Variants in ITIH6 observed in about 807,000 individuals in gnomAD.
ITIH6 encodes inter-alpha-trypsin inhibitor heavy chain H6.
A neutral mutation model predicts 58.2 loss-of-function variants in ITIH6; 60 were observed. That is an observed-to-expected ratio of 1.03 (90% CI 0.84 to 1.28). The LOEUF is 1.28. Among genes scored for constraint, ITIH6 ranks in the 50% most tolerant of loss-of-function variants. ITIH6 has a pLI of 0.00. For synonymous variants in ITIH6, 493 were observed against 417.4 expected, an observed-to-expected ratio of 1.18 and a Z score of -2.21; for missense variants, 1,290 against 1,021.1, an observed-to-expected ratio of 1.26 and a Z score of -3.59.
At chrX:54,763,663 C>T (rs183530564) in intron 6 of ITIH6, among the ~76,000 whole-genome samples, 3 of 112,052 alleles carry the variant, frequency 2.7e-5, no homozygotes, top group African/African-American at 6.5e-5. Context: ...ATAAAGTATT[C>T]TAGAAATGTC....
intron 5 of ITIH6, among the ~76,000 whole-genome samples, chrX:54,780,223 C>G (rs1169935614): frequency 4.5e-5 from 5 of 111,960 alleles, no homozygotes; most frequent in Non-Finnish European, 9.4e-5. Flanking sequence ...AATATGCATT[C>G]TTTTCTTCAG....
At position 54,759,782 on chromosome X, in the gene ITIH6, T is replaced by C. The variant is rs1028813136; in HGVS notation, c.1049A>G (p.Tyr350Cys). ...TIQNVHSAKD[Y>C]LHCMEADGWT... ...GCCATCGGCTTCCATGCAATGCAGGTAGTCCTTGGCACTGTGGACATTCTG... is the reference window on the plus strand; with the variant it reads ...GCCATCGGCTTCCATGCAATGCAGGCAGTCCTTGGCACTGTGGACATTCTG... Residue 350 changes from tyrosine (Y) to cysteine (C), a missense_variant, in exon 7 of 13, where the codon TAC becomes TGC. Coordinates refer to ENST00000218436, the MANE Select transcript of ITIH6 (RefSeq NM_198510.3). The C allele has an allele frequency of 8.3e-7, 1 of 1,208,273 alleles. No homozygotes were observed. The highest frequency in any genetic ancestry group is 1.1e-6 in the Non-Finnish European group (1 of 894,325).
chrX:54,759,051 T>G, intron 7 of ITIH6, 53 bp from the exon 8 acceptor site: 2 of 891,443 alleles, frequency 2.2e-6, no homozygotes, highest in Non-Finnish European at 1.5e-6. Flanking sequence ...TCTACCCCCA[T>G]TGCAGACACA....
At chrX:54,762,511 T>A (rs779256364) in intron 6 of ITIH6, among the ~76,000 whole-genome samples, 123 of 111,790 alleles carry the variant, frequency 1.1e-3, no homozygotes, top group African/African-American at 3.7e-3. Flanking sequence ...AAAACTCAGG[T>A]TCCAGTTTAA....
chrX:54,754,092 TC>T (rs1372616979), intron 9 of ITIH6, 127 bp from the exon 10 acceptor site: 52 of 624,564 alleles, frequency 8.3e-5, no homozygotes, highest in Non-Finnish European at 1.2e-4. Flanking sequence ...TGAAATCTAG[TC>T]CCTGCCTAGC....
intron 5 of ITIH6, among the ~76,000 whole-genome samples, chrX:54,777,345 G>A: frequency 8.9e-6 from 1 of 112,833 alleles, no homozygotes; most frequent in East Asian, 2.8e-4. Context: ...GCTCCTGGAT[G>A]GCACCTCTGG....
rs754265682 is a variant in ITIH6 at position 54,751,223 on chromosome X, A to AC, written c.3509dup (p.Thr1171TyrfsTer36). 3 of 1,209,907 alleles carry AC rather than the reference A, an allele frequency of 2.5e-6. No homozygotes were observed. In the African/African-American group the frequency reaches 5.2e-5, roughly 21 times the overall value. On this transcript the variant is annotated frameshift_variant, in exon 12 of 13. Coordinates refer to ENST00000218436, the MANE Select transcript of ITIH6 (RefSeq NM_198510.3). LOFTEE classifies it high-confidence loss of function. ...GTTGGTCCCAGGACAGGCGCAAGGT[A>AC]CCCTCGCCTCGCAAAGATATAGAAC...
chrX:54,751,027 T>G lies in ITIH6; in HGVS notation c.3706A>C (p.Ser1236Arg), dbSNP rs201616304. 1.3e-5 allele frequency: 15 copies of G among 1,173,046 alleles called. No homozygotes were observed. ...CCTATCAGGCCACGGGCTGAGGGGCTGAGGCCTGAGCCATTGGCCACGTAG... is the reference window on the plus strand; with the variant it reads ...CCTATCAGGCCACGGGCTGAGGGGCGGAGGCCTGAGCCATTGGCCACGTAG... The part of the protein sequence containing the change: ...GFYVANGSGL[S>R]PSARGLIGQF... Residue 1236 changes from serine to arginine, a missense_variant, in exon 12 of 13, where the codon AGC becomes CGC. Ser to Arg is a moderately radical substitution (Grantham distance 110). Transcript: ENST00000218436.
intron 11 of ITIH6, among the ~76,000 whole-genome samples, chrX:54,752,295 G>C (rs768260559): frequency 3.6e-5 from 4 of 112,071 alleles, no homozygotes; most frequent in Admixed American, 9.4e-5. Flanking sequence ...TTTGAAAAGA[G>C]CCCCTATCAG....
chrX:54,763,855 C>T (rs1330899671), intron 6 of ITIH6, among the ~76,000 whole-genome samples: 2 of 111,905 alleles, frequency 1.8e-5, no homozygotes, highest in Non-Finnish European at 3.8e-5. Context: ...GTATGTTGTT[C>T]GTTGCATGCA....
chrX:54,776,902 CA>C (rs1239370099), intron 5 of ITIH6, among the ~76,000 whole-genome samples: 2 of 111,889 alleles, frequency 1.8e-5, no homozygotes, highest in African/African-American at 3.3e-5. Context: ...TTATGTTTTA[CA>C]AAAGTAGAGG....
At chrX:54,794,936 A>G (rs961875466) in intron 2 of ITIH6, among the ~76,000 whole-genome samples, 2 of 111,654 alleles carry the variant, frequency 1.8e-5, no homozygotes, top group Non-Finnish European at 3.8e-5. Context: ...TCAACAGGGT[A>G]CTGTCATCTA....
At chrX:54,776,640 G>A (rs1929058833) in intron 5 of ITIH6, among the ~76,000 whole-genome samples, 1 of 110,776 alleles carries the variant, frequency 9.0e-6, no homozygotes, top group African/African-American at 3.3e-5. Context: ...TAAGAGTCGC[G>A]AGGCCCCCTT....
intron 6 of ITIH6, among the ~76,000 whole-genome samples, chrX:54,766,294 A>G (rs1928784239): frequency 1.0e-5 from 1 of 97,484 alleles, no homozygotes; most frequent in Admixed American, 1.2e-4. Flanking sequence ...TTGGGCTGAG[A>G]TGATGGGGTT....
chrX:54,761,625 G>A (rs1272317799), intron 6 of ITIH6, among the ~76,000 whole-genome samples: 1 of 111,116 alleles, frequency 9.0e-6, no homozygotes, highest in African/African-American at 3.3e-5. Flanking sequence ...TAAGGTGTAA[G>A]GAAGGGATCC....
Position 54,755,096 on chromosome X carries a change from C to G in ITIH6, c.3123G>C (p.Trp1041Cys). The change falls in exon 9 of 13, where the codon TGG becomes TGC. Residue 1041 changes from tryptophan to cysteine, a missense_variant. Physicochemically the swap from Trp to Cys is radical, Grantham distance 215 (BLOSUM62 -2). Coordinates refer to ENST00000218436, the MANE Select transcript of ITIH6 (RefSeq NM_198510.3). Reference protein sequence around the residue: ...LTPDEDGSPNWDGNSEEILGG... With the variant: ...LTPDEDGSPNCDGNSEEILGG... ...CCAGGATCTCCTCAGAATTGCCATC[C>G]CAGTTTGGACTTCCTGCCAAGCACA... 2 of 1,204,361 alleles carry G rather than the reference C, an allele frequency of 1.7e-6. No homozygotes were observed. The highest frequency in any genetic ancestry group is 3.5e-5 in the African/African-American group (2 of 57,613).
chrX:54,755,065 C>T lies in ITIH6; in HGVS notation c.3154G>A (p.Ala1052Thr), dbSNP rs551823246. Residue 1052 changes from alanine to threonine, a missense_variant, in exon 9 of 13, where the codon GCT (alanine) becomes ACT (threonine). Transcript: ENST00000218436. ...CCTTGAGATTCCATGCTGCCTCCAG[C>T]TCCTCCCAGGATCTCCTCAGAATTG... ...DGNSEEILGG[A>T]GGSMESQGSS... 1 of 1,209,758 alleles carries T rather than the reference C, an allele frequency of 8.3e-7. No individual in the cohort carries two copies. The highest frequency in any genetic ancestry group is 2.3e-4 in the Middle Eastern group (1 of 4,338).
Position 54,758,258 on chromosome X carries a change from T to A in ITIH6, c.1816A>T (p.Thr606Ser), listed in dbSNP as rs1176715925. Residue 606 changes from threonine to serine, a missense_variant, in exon 8 of 13, where the codon ACT (threonine) becomes TCT (serine). Thr to Ser is a moderately conservative substitution (Grantham distance 58, BLOSUM62 1). Coordinates refer to ENST00000218436, the MANE Select transcript of ITIH6 (RefSeq NM_198510.3). ...TTGGGTTGCACCATGACCAGTGAAGTCAGAGGTGTGACAAAGTTGTATTCA... is the reference window on the plus strand; with the variant it reads ...TTGGGTTGCACCATGACCAGTGAAGACAGAGGTGTGACAAAGTTGTATTCA... ...SLEYNFVTPL[T>S]SLVMVQPKQA... 1 of 1,210,893 alleles carries A rather than the reference T, an allele frequency of 8.3e-7. No individual in the cohort carries two copies. Among genetic ancestry groups the A allele is most frequent in the Admixed American group, 2.2e-5 (1 of 45,989 alleles).
At chrX:54,781,865 A>C (rs1169424739) in intron 5 of ITIH6, among the ~76,000 whole-genome samples, 3 of 112,305 alleles carry the variant, frequency 2.7e-5, no homozygotes. Flanking sequence ...GGATAAGAAA[A>C]TATGGTACAT....
Sources: allele counts gnomAD v4.1 joint callset (sites outside exome capture counted in the v4.1 genomes callset), GRCh38; gene constraint gnomAD v4.1.1; transcripts MANE v1.5; gene names NCBI Gene and HGNC (gene_info 2026-07-23, HGNC 2026-07-21).